CFI: variants seen among roughly 807,000 people sequenced by gnomAD.
The protein encoded by CFI is C3B/C4B inactivator.
A neutral mutation model predicts 78.8 loss-of-function variants in CFI; 66 were observed. The observed-to-expected ratio is 0.84, with a 90% CI of 0.69 to 1.03. The LOEUF is 1.03. Among genes scored for constraint, CFI ranks in the 50% least tolerant of loss-of-function variants. The pLI is 0.00. For missense variants in CFI, 706 were observed against 704.5 expected, an observed-to-expected ratio of 1.00 and a Z score of -0.02; for synonymous variants, 250 against 232.6, an observed-to-expected ratio of 1.07 and a Z score of -0.68.
intron 1 of CFI, among the ~76,000 whole-genome samples, chr4:109,779,787 CAT>C (rs1474406239): frequency 1.3e-5 from 2 of 152,020 alleles, no homozygotes; most frequent in African/African-American, 4.8e-5. Context: ...AAAACAGAGA[CAT>C]AGACCAATCC....
Position 109,740,975 on chromosome 4 carries a change from C to T in CFI, c.1670G>A (p.Gly557Asp), listed in dbSNP as rs752856250. The T allele has an allele frequency of 6.2e-7, 1 of 1,614,174 alleles. No individual in the cohort carries two copies. Among genetic ancestry groups the T allele is most frequent in the South Asian group, 1.1e-5 (1 of 91,088 alleles). The change falls in exon 13 of 13, where the codon GGT (glycine) becomes GAT (aspartate). Residue 557 changes from glycine to aspartate, a missense_variant. Physicochemically the swap from Gly to Asp is moderately conservative, Grantham distance 94 (BLOSUM62 -1). Coordinates refer to ENST00000394634, the MANE Select transcript of CFI (RefSeq NM_000204.5). ...GENCGKPEFP[G>D]VYTKVANYFD... is the part of the protein sequence containing the mutation. ...ATAATTGGCCACTTTGGTGTAAACA[C>T]CTGGGAACTCTGGTTTTCCACAGTT...
chr4:109,768,550 A>T (rs1728121028), intron 1 of CFI, among the ~76,000 whole-genome samples: 1 of 152,170 alleles, frequency 6.6e-6, no homozygotes, highest in African/African-American at 2.4e-5. Context: ...GAGAGCTATT[A>T]TTACCCTGCA....
In CFI at chr4:109,783,659, C is replaced by T. The variant is rs536434541; in HGVS notation, c.58-16835G>A. On this transcript the variant is annotated intron_variant, in intron 1 of 12. Coordinates refer to ENST00000394634, the MANE Select transcript of CFI (RefSeq NM_000204.5). ...AAAGTAGAACTACCATCAGATTCAG[C>T]AATCCCGCTACTGGGTATCTACTCA... 7.9e-5 allele frequency among the ~76,000 whole-genome samples: 12 copies of T among 151,862 alleles called. No individual in the cohort carries two copies. The South Asian group carries it at 2.1e-3, about 26-fold the overall frequency.
intron 12 of CFI, chr4:109,742,106 CTT>C (rs1445401605): frequency 9.8e-6 from 2 of 203,054 alleles, no homozygotes; most frequent in Admixed American, 1.1e-4. Context: ...GTCTGTAAGA[CTT>C]TGGACAAATT....
chr4:109,787,025 G>T (rs1730836071), intron 1 of CFI, among the ~76,000 whole-genome samples: 1 of 151,988 alleles, frequency 6.6e-6, no homozygotes, highest in Non-Finnish European at 1.5e-5. Flanking sequence ...GCATGACCAG[G>T]CTAGCACAGA....
At chr4:109,736,540 A>G (rs1280019786), downstream of CFI, among the ~76,000 whole-genome samples, 1 of 152,202 alleles carries the variant, frequency 6.6e-6, no homozygotes, top group African/African-American at 2.4e-5. Flanking sequence ...ATCTATGAGC[A>G]TGGGCTTGTT....
intron 7 of CFI, among the ~76,000 whole-genome samples, chr4:109,756,975 A>G (rs554091084): frequency 4.2e-5 from 6 of 143,630 alleles, no homozygotes; most frequent in African/African-American, 1.5e-4. Context: ...GAAAGAAAGA[A>G]AGAAATTCTG....
intron 10 of CFI, among the ~76,000 whole-genome samples, chr4:109,748,667 A>T (rs979490507): frequency 2.0e-5 from 3 of 152,146 alleles, no homozygotes; most frequent in African/African-American, 7.2e-5. Flanking sequence ...GCAGAAAGCA[A>T]TCCAGAGTAG....
intron 8 of CFI, among the ~76,000 whole-genome samples, chr4:109,750,306 T>C (rs1226088385): frequency 6.6e-6 from 1 of 152,144 alleles, no homozygotes. Context: ...ATAGTTTTTA[T>C]TTTCTAGAGG....
At chr4:109,763,421 A>T (rs146902762) in intron 3 of CFI, among the ~76,000 whole-genome samples, 1 of 152,072 alleles carries the variant, frequency 6.6e-6, no homozygotes, top group Non-Finnish European at 1.5e-5. Flanking sequence ...AAATTATAAA[A>T]GGAAAAAGGA....
At chr4:109,797,190 C>T (rs1015336267) in intron 1 of CFI, among the ~76,000 whole-genome samples, 1 of 152,104 alleles carries the variant, frequency 6.6e-6, no homozygotes, top group Non-Finnish European at 1.5e-5. Flanking sequence ...CACAAAGCTG[C>T]AGTAATCAAA....
chr4:109,797,528 G>T (rs567204102), intron 1 of CFI, among the ~76,000 whole-genome samples: 1 of 151,758 alleles, frequency 6.6e-6, no homozygotes, highest in East Asian at 1.9e-4. Flanking sequence ...ATAATATCTT[G>T]ACTATGACGA....
chr4:109,768,964 A>G (rs1728214549), intron 1 of CFI, among the ~76,000 whole-genome samples: 1 of 152,174 alleles, frequency 6.6e-6, no homozygotes, highest in African/African-American at 2.4e-5. Context: ...ATCTAGAATG[A>G]AATATGCCAG....
At chr4:109,782,389 C>T (rs994665564) in intron 1 of CFI, among the ~76,000 whole-genome samples, 14 of 143,376 alleles carry the variant, frequency 9.8e-5, no homozygotes, top group Non-Finnish European at 1.7e-4. Context: ...AGCGACCAAG[C>T]ACAGAATCAA....
chr4:109,788,085 A>G (rs765619318), intron 1 of CFI, among the ~76,000 whole-genome samples: 12 of 152,186 alleles, frequency 7.9e-5, no homozygotes, highest in South Asian at 4.1e-4. Context: ...CCCCAACATC[A>G]GTGCATTTGT....
the CFI span, among the ~76,000 whole-genome samples, chr4:109,735,353 A>C: frequency 2.0e-5 from 3 of 152,210 alleles, no homozygotes; most frequent in Non-Finnish European, 4.4e-5. Flanking sequence ...TTTCTTCTAT[A>C]TATATGAGCA....
rs761171323 is a variant in CFI, at chr4:109,764,507, A to T, written c.482+30T>A. The T allele has an allele frequency of 3.1e-6, 5 of 1,613,152 alleles. No homozygotes were observed. The African/African-American group carries it at 6.7e-5, about 22-fold the overall frequency. ...AGCAAACAGAACAATTAAATCAGCC[A>T]TGAGAAAATCCACTGATACAAGCGC... On this transcript the variant is annotated intron_variant, in intron 3 of 12. Transcript: ENST00000394634.
chr4:109,749,076 G>A (rs930051606), intron 10 of CFI, 142 bp downstream of exon 10: 4 of 832,192 alleles, frequency 4.8e-6, no homozygotes, highest in African/African-American at 1.7e-5. Context: ...AATTCCAGTC[G>A]CGAATACCAG....
At chr4:109,768,016 GCAAACTATTGCAAGGACAAAAAAC>G (rs1728002481) in intron 1 of CFI, among the ~76,000 whole-genome samples, 1 of 151,288 alleles carries the variant, frequency 6.6e-6, no homozygotes, top group Non-Finnish European at 1.5e-5. Flanking sequence ...ATCATTCTCA[GCAAACTATTGCAAGGACAAAAAAC>G]CAAACACCAC....
Sources: gnomAD v4.1 joint callset for allele counts (sites outside exome capture counted in the v4.1 genomes callset) on GRCh38, gnomAD v4.1.1 for gene constraint, MANE v1.5 for transcripts, NCBI Gene and HGNC (gene_info 2026-07-23, HGNC 2026-07-21) for gene names.